PTGIS: variants seen among roughly 807,000 people sequenced by gnomAD.
PTGIS encodes the protein prostacyclin synthase.
Under a neutral mutation model 50.3 loss-of-function variants are expected in PTGIS, and 45 were observed. The ratio of observed to expected loss-of-function variants is 0.90; its 90% confidence interval spans 0.70 to 1.15. The LOEUF (loss-of-function observed/expected upper bound fraction) is 1.15, where lower values mean the gene tolerates loss of function less well. Among genes scored for constraint, PTGIS ranks in the 50% most tolerant of loss-of-function variants. The probability of loss-of-function intolerance (pLI) is 0.00; values close to 1 mark genes in which losing one functional copy is unlikely to be tolerated. For missense variants in PTGIS, 668 were observed against 661.3 expected (o/e 1.01, Z -0.11); for synonymous variants, 260 against 267.7 (o/e 0.97, Z 0.28).
At chr20:49,541,826 G>A (rs12106265) in intron 4 of PTGIS, among the ~76,000 whole-genome samples, 1,667 of 152,258 alleles carry the variant, frequency 0.011, 28 homozygotes, top group African/African-American at 0.038. Flanking sequence ...AAGCGAAGCC[G>A]GCAGCTCCAT....
Position 49,544,363 on chromosome 20 carries a change from C to T in PTGIS, c.463G>A (p.Ala155Thr), listed in dbSNP as rs1416212076. The change falls in exon 4 of 10, where the codon GCA becomes ACA. Residue 155 changes from alanine (A) to threonine (T), a missense_variant. By Grantham distance (58) the Ala-to-Thr change is moderately conservative. Coordinates refer to ENST00000244043, the MANE Select transcript of PTGIS (RefSeq NM_000961.4). ...CCCATCTCGTGCCAGCCACTGCCTGCTTCTGTAGCATCGCCCAACAGCACT... is the reference window on the plus strand; with the variant it reads ...CCCATCTCGTGCCAGCCACTGCCTGTTTCTGTAGCATCGCCCAACAGCACT... ...HAVLLGDATE[A>T]GSGWHEMGLL... The T allele has an allele frequency of 6.2e-7, 1 of 1,614,072 alleles. No homozygotes were observed. Among genetic ancestry groups the T allele is most frequent in the Non-Finnish European group, 8.5e-7 (1 of 1,180,034 alleles).
At chr20:49,508,592 G>A (rs555337965) in intron 9 of PTGIS, among the ~76,000 whole-genome samples, 2 of 152,120 alleles carry the variant, frequency 1.3e-5, no homozygotes, top group African/African-American at 4.8e-5. Flanking sequence ...ACACTTTGCC[G>A]CCTTTCCCCA....
intron 6 of PTGIS, among the ~76,000 whole-genome samples, chr20:49,521,636 CCCAGTCCCCACCCCTTG>C (rs1212346690): frequency 1.3e-5 from 2 of 152,186 alleles, no homozygotes; most frequent in Non-Finnish European, 2.9e-5. Context: ...GCCAATTGAT[CCCAGTCCCCACCCCTTG>C]CCAGTCTCTG....
chr20:49,517,892 C>G (rs1374481894), intron 6 of PTGIS, among the ~76,000 whole-genome samples: 1 of 152,228 alleles, frequency 6.6e-6, no homozygotes, highest in East Asian at 1.9e-4. Flanking sequence ...CTGACCCATC[C>G]TTCCAGACTT....
At chr20:49,520,291 C>T (rs1485780553) in intron 6 of PTGIS, among the ~76,000 whole-genome samples, 1 of 152,144 alleles carries the variant, frequency 6.6e-6, no homozygotes, top group Non-Finnish European at 1.5e-5. Context: ...CCTGGGCCTG[C>T]CTTCCTGCTG....
At chr20:49,556,557 T>C (rs889784531) in intron 1 of PTGIS, among the ~76,000 whole-genome samples, 1 of 152,226 alleles carries the variant, frequency 6.6e-6, no homozygotes, top group South Asian at 2.1e-4. Flanking sequence ...CAAAGCCAAT[T>C]TTAAAAAGAA....
chr20:49,524,660 T>C (rs1459947322), intron 5 of PTGIS, among the ~76,000 whole-genome samples: 2 of 152,226 alleles, frequency 1.3e-5, no homozygotes, highest in African/African-American at 2.4e-5. Flanking sequence ...CACAGTTCCA[T>C]GTGGCTGGGG....
rs77238640 is a variant in PTGIS, at chr20:49,542,565, C to T, written c.521+1740G>A. Among the ~76,000 whole-genome samples the T allele has an allele frequency of 5.7e-3, 875 of 152,348 alleles. 6 individuals are homozygous for T. Among genetic ancestry groups the T allele is most frequent in the African/African-American group, 0.02 (847 of 41,574 alleles). ...TCCCCAGCCTATCTCTCTCTGACTT[C>T]TTTGTCTGCACAGGGACCCAGGAGC... is the stretch of plus-strand genomic sequence containing the variant. On this transcript the variant is annotated intron_variant, in intron 4 of 9. Coordinates refer to ENST00000244043, the MANE Select transcript of PTGIS (RefSeq NM_000961.4).
intron 5 of PTGIS, among the ~76,000 whole-genome samples, chr20:49,538,284 A>T (rs977112178): frequency 3.5e-5 from 5 of 143,688 alleles, no homozygotes; most frequent in Non-Finnish European, 6.1e-5. Context: ...AAAAAAAAAA[A>T]AAGGCATGCT....
At chr20:49,510,204 C>A (rs1430424172) in intron 9 of PTGIS, among the ~76,000 whole-genome samples, 1 of 152,046 alleles carries the variant, frequency 6.6e-6, no homozygotes, top group African/African-American at 2.4e-5. Context: ...TGATTTCACA[C>A]AGCAAGGTGA....
At position 49,524,089 on chromosome 20, in the gene PTGIS, C is replaced by T. The variant is rs61734270; in HGVS notation, c.824G>A (p.Arg275Gln). The T allele has an allele frequency of 1.2e-3, 1,902 of 1,614,220 alleles. 2 individuals are homozygous for T. Among genetic ancestry groups the T allele is most frequent in the Middle Eastern group, 4.0e-3 (24 of 6,062 alleles). The stretch of plus-strand genomic sequence containing the variant: ...GGCCCACAGCTGCAGCACCAGGGCC[C>T]GTGCCTGCATCTCCTCTGACACACC... Reference protein sequence around the residue: ...EMGVSEEMQARALVLQLWATQ... With the variant: ...EMGVSEEMQAQALVLQLWATQ... Residue 275 changes from arginine (R) to glutamine (Q), a missense_variant, in exon 6 of 10, where the codon CGG (arginine) becomes CAG (glutamine). Transcript: ENST00000244043.
chr20:49,523,968 C>A, intron 6 of PTGIS, 90 bp downstream of exon 6: 2 of 1,486,078 alleles, frequency 1.3e-6, no homozygotes, highest in Non-Finnish European at 1.9e-6. Flanking sequence ...TGCACACCTG[C>A]ACAGGTGCAC....
intron 1 of PTGIS, among the ~76,000 whole-genome samples, chr20:49,561,371 G>C (rs952721319): frequency 6.6e-6 from 1 of 152,158 alleles, no homozygotes; most frequent in Non-Finnish European, 1.5e-5. Flanking sequence ...GCCCATCCCG[G>C]CTTCTCTAGT....
chr20:49,534,100 A>G (rs955123244), intron 5 of PTGIS, among the ~76,000 whole-genome samples: 5 of 152,344 alleles, frequency 3.3e-5, no homozygotes, highest in East Asian at 1.9e-4. Context: ...TTAGATGCAT[A>G]GATGGCCTTT....
intron 6 of PTGIS, among the ~76,000 whole-genome samples, chr20:49,514,660 T>C (rs79348810): frequency 2.0e-5 from 3 of 152,218 alleles, no homozygotes; most frequent in South Asian, 2.1e-4. Flanking sequence ...GTAATCTTCA[T>C]AGCTAATCAG....
intron 1 of PTGIS, among the ~76,000 whole-genome samples, chr20:49,566,511 T>C (rs1568689499): frequency 6.6e-6 from 1 of 152,190 alleles, no homozygotes; most frequent in Non-Finnish European, 1.5e-5. Flanking sequence ...TTAAGGCAAA[T>C]GATTGACTAC....
intron 1 of PTGIS, among the ~76,000 whole-genome samples, chr20:49,551,013 G>A (rs950053604): frequency 1.3e-5 from 2 of 152,128 alleles, no homozygotes; most frequent in South Asian, 2.1e-4. Context: ...AGACCGGCCC[G>A]GCCATCATGA....
rs2122828341 is a variant in PTGIS at position 49,505,267 on chromosome 20, C to T, written c.*2653G>A. ...AAATACAATGGCATCCAGGTAACTTCCTAACTAGCGCATAGCAGGTAGCTA... is the reference window on the plus strand; with the variant it reads ...AAATACAATGGCATCCAGGTAACTTTCTAACTAGCGCATAGCAGGTAGCTA... On this transcript the variant is annotated 3_prime_UTR_variant, in exon 10 of 10. Coordinates refer to ENST00000244043, the MANE Select transcript of PTGIS (RefSeq NM_000961.4). 1 of 152,222 alleles carries T rather than the reference C, an allele frequency of 6.6e-6. No individual in the cohort carries two copies. Among genetic ancestry groups the T allele is most frequent in the African/African-American group, 2.4e-5 (1 of 41,542 alleles). 9.4% of individuals were successfully genotyped at this position (152,222 alleles called of 1,614,324 possible).
chr20:49,559,974 G>A (rs1454456980), intron 1 of PTGIS, among the ~76,000 whole-genome samples: 36 of 151,440 alleles, frequency 2.4e-4, no homozygotes, highest in Admixed American at 2.4e-3. Flanking sequence ...GCCAAGGCTG[G>A]AGTGCAATGG....
Sources: allele counts gnomAD v4.1 joint callset (sites outside exome capture counted in the v4.1 genomes callset), GRCh38; gene constraint gnomAD v4.1.1; transcripts MANE v1.5; gene names NCBI Gene and HGNC (gene_info 2026-07-23, HGNC 2026-07-21).